Variants in CSGALNACT1 observed in about 807,000 individuals in gnomAD.
CSGALNACT1 encodes the protein chondroitin sulfate N-acetylgalactosaminyltransferase 1.
In CSGALNACT1, 52 loss-of-function variants were observed where a neutral mutation model predicts 51.0. The ratio of observed to expected loss-of-function variants is 1.02; its 90% CI spans 0.82 to 1.29. The LOEUF is 1.29. CSGALNACT1 is among the 50% of genes most tolerant of loss of function. The probability of loss-of-function intolerance (pLI) is 0.00; values close to 1 mark genes in which losing one functional copy is unlikely to be tolerated. For missense variants in CSGALNACT1, 935 were observed against 679.2 expected (o/e 1.38, Z -4.19); for synonymous variants, 341 against 254.4 (o/e 1.34, Z -3.24).
At chr8:19,530,222 AAAAACAAAAC>A (rs58765246) in intron 3 of CSGALNACT1, among the ~76,000 whole-genome samples, 55,810 of 150,018 alleles carry the variant, frequency 0.37, 10,718 homozygotes, top group African/African-American at 0.46. Context: ...CTCTGGCTGA[AAAAACAAAAC>A]AAAACAAAAC....
At chr8:19,420,433 A>G in exon 7 of CSGALNACT1, 1 of 1,614,192 alleles carries the variant, frequency 6.2e-7, no homozygotes, top group Non-Finnish European at 8.5e-7. Flanking sequence ...CTTCCCTTCC[A>G]GAAGCGGGCT....
At chr8:19,554,337 T>C (rs919213347) in intron 3 of CSGALNACT1, among the ~76,000 whole-genome samples, 1 of 152,120 alleles carries the variant, frequency 6.6e-6, no homozygotes, top group East Asian at 1.9e-4. Flanking sequence ...GGTGTTATCA[T>C]TTTTGGTACC....
At chr8:19,663,073 C>T (rs186695420) in intron 1 of CSGALNACT1, among the ~76,000 whole-genome samples, 21 of 152,284 alleles carry the variant, frequency 1.4e-4, no homozygotes, top group African/African-American at 2.9e-4. Context: ...CAATCTATTG[C>T]GTTCCTCATT....
intron 7 of CSGALNACT1, among the ~76,000 whole-genome samples, chr8:19,419,537 A>G (rs1003605554): frequency 6.6e-5 from 10 of 152,232 alleles, no homozygotes; most frequent in African/African-American, 2.4e-4. Context: ...TCAGCTCAAT[A>G]GCAGCCTTGC....
upstream of CSGALNACT1, among the ~76,000 whole-genome samples, chr8:19,606,951 C>T (rs1023992465): frequency 1.3e-5 from 2 of 151,988 alleles, no homozygotes; most frequent in South Asian, 2.1e-4. Context: ...GTCAGGAGAT[C>T]GAGATCATCC....
chr8:19,678,826 T>C (rs904704200), intron 1 of CSGALNACT1: 1 of 152,176 alleles, frequency 6.6e-6, no homozygotes, highest in Non-Finnish European at 1.5e-5. Flanking sequence ...GGACAAGACC[T>C]GGTAAGTGAC....
intron 3 of CSGALNACT1, among the ~76,000 whole-genome samples, chr8:19,563,134 G>A (rs1370323996): frequency 6.6e-6 from 1 of 152,190 alleles, no homozygotes; most frequent in Non-Finnish European, 1.5e-5. Flanking sequence ...ACAGGGACAT[G>A]GACGGAGCTA....
intron 3 of CSGALNACT1, among the ~76,000 whole-genome samples, chr8:19,527,994 T>G (rs1223967028): frequency 6.6e-6 from 1 of 151,752 alleles, no homozygotes; most frequent in Non-Finnish European, 1.5e-5. Context: ...TGGTGCTGAG[T>G]CTATAGGAAC....
chr8:19,604,551 C>T (rs752631816), upstream of CSGALNACT1, among the ~76,000 whole-genome samples: 3 of 152,124 alleles, frequency 2.0e-5, no homozygotes, highest in Admixed American at 1.3e-4. Context: ...AGCCTTTGCT[C>T]TGTTGACTTT....
At chr8:19,715,778 T>C (rs1315900298) in intron 1 of CSGALNACT1, among the ~76,000 whole-genome samples, 2 of 152,168 alleles carry the variant, frequency 1.3e-5, no homozygotes, top group Non-Finnish European at 2.9e-5. Flanking sequence ...TGAGTTGATC[T>C]AACTAGGAGT....
intron 5 of CSGALNACT1, among the ~76,000 whole-genome samples, chr8:19,448,012 CT>C (rs2062437228): frequency 6.6e-6 from 1 of 152,206 alleles, no homozygotes; most frequent in South Asian, 2.1e-4. Flanking sequence ...GTGATAGCCC[CT>C]CTGGCTGTTG....
intron 1 of CSGALNACT1, among the ~76,000 whole-genome samples, chr8:19,636,428 C>A (rs1341272461): frequency 6.6e-6 from 1 of 152,140 alleles, no homozygotes; most frequent in Admixed American, 6.6e-5. Flanking sequence ...GAGGAAACGA[C>A]TGTGTAAGCG....
intron 5 of CSGALNACT1, among the ~76,000 whole-genome samples, chr8:19,448,239 T>C (rs1301004814): frequency 6.6e-6 from 1 of 152,216 alleles, no homozygotes; most frequent in Non-Finnish European, 1.5e-5. Flanking sequence ...TCATATTATG[T>C]GGTCTAGGGA....
chr8:19,664,759 G>A (rs765228808), intron 1 of CSGALNACT1, among the ~76,000 whole-genome samples: 1 of 152,150 alleles, frequency 6.6e-6, no homozygotes, highest in Non-Finnish European at 1.5e-5. Context: ...TGGAACTGGA[G>A]GTAATTATCT....
In CSGALNACT1 at chr8:19,457,590, G is replaced by C. The variant is rs1438126910; in HGVS notation, c.851+836C>G. The C allele has an allele frequency of 4.8e-6, 5 of 1,049,708 alleles. No homozygotes were observed. The Admixed American group carries it at 1.2e-4, about 24-fold the overall frequency. 65.0% of individuals were successfully genotyped at this position (1,049,708 alleles called of 1,614,324 possible). The stretch of plus-strand genomic sequence containing the variant: ...TTCGTGCCACTGCACTCCAGCCTGG[G>C]TGACAGAGTAAGACTCCATCTCAAA... On this transcript the variant is annotated intron_variant, in intron 5 of 9. Coordinates refer to ENST00000454498, the Ensembl canonical transcript of CSGALNACT1.
intron 2 of CSGALNACT1, among the ~76,000 whole-genome samples, chr8:19,600,663 AG>A (rs2050207505): frequency 6.6e-6 from 1 of 152,164 alleles, no homozygotes; most frequent in African/African-American, 2.4e-5. Flanking sequence ...ATTAACTTTC[AG>A]CCAAGGTTTT....
At chr8:19,422,724 G>A (rs995518585) in intron 6 of CSGALNACT1, among the ~76,000 whole-genome samples, 20 of 152,132 alleles carry the variant, frequency 1.3e-4, no homozygotes, top group Non-Finnish European at 2.5e-4. Flanking sequence ...AGGTCACTGC[G>A]AGCACCTTCA....
intron 3 of CSGALNACT1, among the ~76,000 whole-genome samples, chr8:19,585,534 G>C (rs2046432358): frequency 6.6e-6 from 1 of 152,158 alleles, no homozygotes; most frequent in Non-Finnish European, 1.5e-5. Flanking sequence ...TGTCATTTGA[G>C]CTCTTTCTTG....
chr8:19,662,064 AC>A (rs1281131821), intron 1 of CSGALNACT1, among the ~76,000 whole-genome samples: 5,942 of 37,198 alleles, frequency 0.16, 35 homozygotes, highest in South Asian at 0.27. Flanking sequence ...AGTTGCCCCC[AC>A]CCCCCCCCAC....
Sources: allele counts gnomAD v4.1 joint callset (sites outside exome capture counted in the v4.1 genomes callset), GRCh38; gene constraint gnomAD v4.1.1; transcripts MANE v1.5; gene names NCBI Gene and HGNC (gene_info 2026-07-23, HGNC 2026-07-21).